TAOK2: variants seen among roughly 807,000 people sequenced by gnomAD.
The protein encoded by TAOK2 is serine/threonine-protein kinase TAO2.
Under a neutral mutation model 122.5 loss-of-function variants are expected in TAOK2, and 42 were observed. That is an observed-to-expected ratio of 0.34 (90% confidence interval 0.27 to 0.44). The LOEUF (loss-of-function observed/expected upper bound fraction) is 0.44, where lower values mean the gene tolerates loss of function less well. TAOK2 is among the 20% of genes least tolerant of loss of function. The probability of loss-of-function intolerance (pLI) is 1.00; values close to 1 mark genes in which losing one functional copy is unlikely to be tolerated. For missense variants in TAOK2, 1,264 were observed against 1,644.9 expected (o/e 0.77, Z 4.01); for synonymous variants, 704 against 677.6 (o/e 1.04, Z -0.61).
At chr16:29,978,676 C>G (rs1398223763) in intron 4 of TAOK2, 123 bp from the exon 5 acceptor site, 2 of 1,099,690 alleles carry the variant, frequency 1.8e-6, no homozygotes, top group Non-Finnish European at 2.7e-6. Context: ...CTCATTGTCT[C>G]CAGTTGCGCT....
downstream of TAOK2, chr16:29,992,122 C>T (rs1205782244): frequency 6.8e-6 from 1 of 147,438 alleles, no homozygotes; most frequent in African/African-American, 2.5e-5. Context: ...GGGATCAGGG[C>T]TGGGGCGGGG....
Position 29,987,850 on chromosome 16 carries a change from G to A in TAOK2, c.3578G>A (p.Arg1193Gln), listed in dbSNP as rs1357616561. 19 of 1,610,602 alleles carry A rather than the reference G, an allele frequency of 1.2e-5. No homozygotes were observed. The highest frequency in any genetic ancestry group is 5.0e-5 in the Admixed American group (3 of 59,920). ...WGLLRGERPT[R>Q]IPRLLPRSQR... ...CTGCTTCGGGGTGAACGGCCCACCC[G>A]AATCCCCCGGCTACTACCACGCAGC... Residue 1193 changes from arginine (R) to glutamine (Q), a missense_variant, in exon 16 of 16, where the codon CGA (arginine) becomes CAA (glutamine). This residue lies in a region of TAOK2 where 824 missense variants were observed against 908.7 expected (regional missense o/e 0.91). Coordinates refer to ENST00000308893, the MANE Select transcript of TAOK2 (RefSeq NM_016151.4).
chr16:29,977,680 C>T (rs2069496438), intron 1 of TAOK2, 58 bp from the exon 2 acceptor site: 4 of 1,501,900 alleles, frequency 2.7e-6, no homozygotes, highest in East Asian at 4.6e-5. Flanking sequence ...TGATGGGTCC[C>T]TTCCTCTCCC....
intron 10 of TAOK2, 63 bp from the exon 11 acceptor site, chr16:29,982,671 A>G (rs2069654062): frequency 2.5e-6 from 4 of 1,569,986 alleles, no homozygotes; most frequent in South Asian, 2.4e-5. Context: ...AGGGAATGCC[A>G]AGGGCTGTGG....
At position 29,981,670 on chromosome 16, in the gene TAOK2, A is replaced by C. The variant is rs1460827015; in HGVS notation, c.665A>C (p.Lys222Thr). 6.2e-7 allele frequency: 1 copy of C among 1,613,968 alleles called. No individual in the cohort carries two copies. The highest frequency in any genetic ancestry group is 2.2e-5 in the East Asian group (1 of 44,896). The stretch of plus-strand genomic sequence containing the variant: ...TCACCTTTTTCTGTAGCTGAACGGA[A>C]ACCACCGCTCTTTAACATGAATGCG... The part of the protein sequence containing the change: ...GITCIELAER[K>T]PPLFNMNAMS... The change falls in exon 9 of 16, where the codon AAA becomes ACA. Residue 222 changes from lysine (K) to threonine (T), a missense_variant. By Grantham distance (78) the Lys-to-Thr change is moderately conservative (BLOSUM62 -1). This residue lies in a region of TAOK2 where 254 missense variants were observed against 503.8 expected (regional missense o/e 0.50). Coordinates refer to ENST00000308893, the MANE Select transcript of TAOK2 (RefSeq NM_016151.4).
chr16:29,975,474 G>C (rs2069426143), intron 1 of TAOK2, among the ~76,000 whole-genome samples: 1 of 152,184 alleles, frequency 6.6e-6, no homozygotes, highest in African/African-American at 2.4e-5. Flanking sequence ...GGCTCGGCCA[G>C]GGGTCCCTAG....
chr16:29,990,756 C>T (rs2069946836), downstream of TAOK2: 4 of 1,584,604 alleles, frequency 2.5e-6, no homozygotes, highest in Non-Finnish European at 3.4e-6. Context: ...GGAGGAGATC[C>T]CTACAACTGG....
chr16:29,976,202 G>A (rs2069448500), intron 1 of TAOK2, among the ~76,000 whole-genome samples: 2 of 152,176 alleles, frequency 1.3e-5, no homozygotes, highest in South Asian at 4.1e-4. Flanking sequence ...CAAGTTGAGA[G>A]CACCTGCCTT....
chr16:29,979,582 C>A lies in TAOK2; in HGVS notation c.655+74C>A. 1 of 1,238,096 alleles carries A rather than the reference C, an allele frequency of 8.1e-7. No homozygotes were observed. The allele number at this position is 1,238,096 out of a possible 1,614,324, so 76.7% of individuals were successfully genotyped here. The stretch of plus-strand genomic sequence containing the variant: ...TTAGTTCCCAGACTCCGGACTACCC[C>A]CTTCTCCTAGGGATGGGATCCCAGG... On this transcript the variant is annotated intron_variant, in intron 8 of 15. Coordinates refer to ENST00000308893, the MANE Select transcript of TAOK2 (RefSeq NM_016151.4). This position sits in a 1 kb window ranked among gnomAD's most constrained non-coding sequence, Gnocchi z 4.1.
rs768683161 is a variant in TAOK2, at chr16:29,985,874, A to G, written c.1992+13A>G. On this transcript the variant is annotated intron_variant, in intron 15 of 15. Transcript: ENST00000308893. The surrounding 1 kb of genome is among the most constrained non-coding windows in gnomAD (Gnocchi z 6.9). ...CCTGCTGCGGGAGGTAGGCATCCCA[A>G]TCTCTGTTCCCCTCCCGCTCACTCG... The G allele has an allele frequency of 5.0e-5, 80 of 1,610,046 alleles. No homozygotes were observed. Among genetic ancestry groups the G allele is most frequent in the Admixed American group, 2.5e-4 (15 of 59,782 alleles).
rs561245563 is a variant in TAOK2, at chr16:29,974,443, G to C, written c.-241G>C. ...TCGGCAGCTGTCGCCCTCGACGAGG[G>C]GGAGGACTGGACCGCGAGGTCAGAT... On this transcript the variant is annotated 5_prime_UTR_variant, in exon 1 of 16. Coordinates refer to ENST00000308893, the MANE Select transcript of TAOK2 (RefSeq NM_016151.4). 6.6e-6 allele frequency: 1 copy of C among 152,606 alleles called. No homozygotes were observed. Among genetic ancestry groups the C allele is most frequent in the Non-Finnish European group, 1.5e-5 (1 of 68,042 alleles). 9.5% of individuals were successfully genotyped at this position (152,606 alleles called of 1,614,324 possible). A position where few individuals can be genotyped will look rare whatever the true frequency, so the allele number is the denominator to read the frequency against.
downstream of TAOK2, chr16:29,990,186 A>G (rs2150910536): frequency 4.4e-6 from 1 of 225,784 alleles, no homozygotes; most frequent in East Asian, 1.0e-4. Context: ...CTGTTCTAAA[A>G]AAATGATCAC....
Position 29,983,224 on chromosome 16 carries a change from G to A in TAOK2, c.1152G>A (p.Glu384=). 6.2e-7 allele frequency: 1 copy of A among 1,612,824 alleles called. No homozygotes were observed. The highest frequency in any genetic ancestry group is 1.1e-5 in the South Asian group (1 of 91,060). The part of the protein sequence containing the change: ...ASDNEEEEEE[E]EEEEEEEEGP... ...ACAACGAGGAAGAGGAGGAGGAGGAGGAGGAAGAGGAGGAGGAGGAAGAAG... is the reference window on the plus strand; with the variant it reads ...ACAACGAGGAAGAGGAGGAGGAGGAAGAGGAAGAGGAGGAGGAGGAAGAAG... Residue 384 remains glutamate, a synonymous_variant, in exon 12 of 16, where the codon GAG becomes GAA. Coordinates refer to ENST00000308893, the MANE Select transcript of TAOK2 (RefSeq NM_016151.4).
At position 29,986,387 on chromosome 16, in the gene TAOK2, C is replaced by T; in HGVS notation, c.2115C>T (p.Leu705=). 6.2e-7 allele frequency: 1 copy of T among 1,609,194 alleles called. No individual in the cohort carries two copies. The highest frequency in any genetic ancestry group is 8.5e-7 in the Non-Finnish European group (1 of 1,177,606). Residue 705 remains leucine, a synonymous_variant, in exon 16 of 16, where the codon CTC becomes CTT. Transcript: ENST00000308893. The surrounding 1 kb of genome is among the most constrained non-coding windows in gnomAD (Gnocchi z 4.2). ...CCGTGCAGCGCACGCGGGCTGAGCT[C>T]ACCCGCCTGCAGCACCAGACGGAGC... The part of the protein sequence containing the change: ...LQAVQRTRAE[L]TRLQHQTELG...
chr16:29,991,474 TG>T, downstream of TAOK2: 1 of 1,486,780 alleles, frequency 6.7e-7, no homozygotes, highest in South Asian at 1.3e-5. This position sits in a 1 kb window ranked among gnomAD's most constrained non-coding sequence, Gnocchi z 5.6. Flanking sequence ...AGTGAGAATG[TG>T]GGCCCCCCTG....
rs2069834308 is a variant in TAOK2 at position 29,987,265 on chromosome 16, G to A, written c.2993G>A (p.Gly998Asp). The A allele has an allele frequency of 2.0e-6, 3 of 1,527,730 alleles. No individual in the cohort carries two copies. The highest frequency in any genetic ancestry group is 1.4e-5 in the African/African-American group (1 of 71,846). The allele number at this position is 1,527,730 out of a possible 1,614,324, so 94.6% of individuals were successfully genotyped here. A position where few individuals can be genotyped will look rare whatever the true frequency, so the allele number is the denominator to read the frequency against. ...CTGGCCCTTGAGGTGGGGCTGGTGG[G>A]TCTGGGGGCCTCCTACCTGCTCCTT... is the stretch of plus-strand genomic sequence containing the variant. ...ALLALEVGLV[G>D]LGASYLLLCT... The change falls in exon 16 of 16, where the codon GGT becomes GAT. Residue 998 changes from glycine to aspartate, a missense_variant. Transcript: ENST00000308893.
At chr16:29,989,547 C>T (rs754705051), downstream of TAOK2, 1 of 1,609,638 alleles carries the variant, frequency 6.2e-7, no homozygotes, top group South Asian at 1.1e-5. Context: ...CTTCCTCCTC[C>T]TCTTCCCCGC....
chr16:29,977,071 G>A (rs1041377754), intron 1 of TAOK2, among the ~76,000 whole-genome samples: 2 of 152,216 alleles, frequency 1.3e-5, no homozygotes, highest in Non-Finnish European at 2.9e-5. Context: ...ACCTGTGTGT[G>A]ATGCTTATGC....
Position 29,981,757 on chromosome 16 carries a change from G to A in TAOK2, c.749+3G>A. 1 of 1,614,044 alleles carries A rather than the reference G, an allele frequency of 6.2e-7. No homozygotes were observed. The highest frequency in any genetic ancestry group is 8.5e-7 in the Non-Finnish European group (1 of 1,179,880). On this transcript the variant is annotated splice_donor_region_variant and intron_variant, in intron 9 of 15. Coordinates refer to ENST00000308893, the MANE Select transcript of TAOK2 (RefSeq NM_016151.4). ...CCCGTGCTCCAGTCAGGACACTGGT[G>A]AGGACTGAGATTCCGAATCTGGGCC...
Sources: gnomAD v4.1 joint callset for allele counts (sites outside exome capture counted in the v4.1 genomes callset) on GRCh38, gnomAD v4.1.1 for gene constraint, gnomAD v4.1.1 regional missense constraint, Gnocchi (gnomAD v3.1) non-coding constraint, MANE v1.5 for transcripts, NCBI Gene and HGNC (gene_info 2026-07-23, HGNC 2026-07-21) for gene names.